Variants in PPP1R9A observed in about 807,000 individuals in gnomAD.
PPP1R9A encodes neurabin-1.
PPP1R9A carries 59 observed loss-of-function variants against 141.9 expected under a neutral mutation model. The observed-to-expected ratio is 0.42, with a 90% CI of 0.34 to 0.52. PPP1R9A has a LOEUF of 0.52. Ranked by LOEUF, PPP1R9A falls within the 20% of genes least tolerant of loss-of-function variation. The probability of loss-of-function intolerance (pLI) is 0.10; values close to 1 mark genes in which losing one functional copy is unlikely to be tolerated. For synonymous variants in PPP1R9A, 500 were observed against 569.7 expected, an observed-to-expected ratio of 0.88 and a Z score of 1.74; for missense variants, 1,444 against 1,611.9, an observed-to-expected ratio of 0.90 and a Z score of 1.78.
At chr7:95,252,884 C>T (rs909978205) in intron 12 of PPP1R9A, among the ~76,000 whole-genome samples, 4 of 152,190 alleles carry the variant, frequency 2.6e-5, no homozygotes, top group African/African-American at 7.2e-5. Flanking sequence ...TAGTTTTGTG[C>T]TTTTACCATG....
At chr7:95,159,827 G>C (rs535046734) in intron 4 of PPP1R9A, among the ~76,000 whole-genome samples, 2 of 151,510 alleles carry the variant, frequency 1.3e-5, no homozygotes, top group African/African-American at 4.9e-5. Context: ...TCAGGAGGCT[G>C]AGGCAGGAGA....
chr7:94,971,583 T>G (rs1798866253), intron 2 of PPP1R9A, among the ~76,000 whole-genome samples: 1 of 152,212 alleles, frequency 6.6e-6, no homozygotes, highest in African/African-American at 2.4e-5. Context: ...ATTCTTTTTG[T>G]TGCTAGCAGG....
At chr7:95,042,338 T>A (rs139704870) in intron 2 of PPP1R9A, among the ~76,000 whole-genome samples, 2 of 152,206 alleles carry the variant, frequency 1.3e-5, no homozygotes, top group Non-Finnish European at 2.9e-5. Context: ...TTCCTACTTA[T>A]GCTACTATTT....
At chr7:95,288,456 T>G in intron 18 of PPP1R9A, 80 bp from the exon 19 acceptor site, 1 of 1,528,522 alleles carries the variant, frequency 6.5e-7, no homozygotes, top group Non-Finnish European at 8.8e-7. Context: ...TCTCATAGGT[T>G]AAGAAATTCC....
At chr7:95,269,541 C>T in intron 14 of PPP1R9A, 34 bp downstream of exon 14, 2 of 1,501,082 alleles carry the variant, frequency 1.3e-6, no homozygotes, top group South Asian at 2.3e-5. Flanking sequence ...CTTCATAACA[C>T]CTCAGCTTGT....
At chr7:95,103,051 C>T (rs1277165520) in intron 2 of PPP1R9A, among the ~76,000 whole-genome samples, 3 of 152,266 alleles carry the variant, frequency 2.0e-5, no homozygotes, top group Middle Eastern at 3.4e-3. Context: ...TGACTTCCAT[C>T]AGAGAAGAGG....
chr7:95,051,478 A>G (rs1330561012), intron 2 of PPP1R9A, among the ~76,000 whole-genome samples: 1 of 152,172 alleles, frequency 6.6e-6, no homozygotes, highest in Non-Finnish European at 1.5e-5. Flanking sequence ...TTGTTTCTCC[A>G]TATAAACTTT....
At chr7:95,222,783 C>CAATTAAAATTAGATTTAATTAAT in intron 7 of PPP1R9A, among the ~76,000 whole-genome samples, 1 of 151,932 alleles carries the variant, frequency 6.6e-6, no homozygotes, top group Admixed American at 6.6e-5. Flanking sequence ...TGTTCATCTT[C>CAATTAAAATTAGATTTAATTAAT]CTTTGTAAAT....
intron 4 of PPP1R9A, among the ~76,000 whole-genome samples, chr7:95,151,715 G>A (rs1359822519): frequency 5.3e-5 from 8 of 151,356 alleles, no homozygotes; most frequent in Admixed American, 5.3e-4. Context: ...GTTGATGGGG[G>A]GAGACTGTGC....
Position 94,911,154 on chromosome 7 carries a change from T to A in PPP1R9A, c.1041T>A (p.Ala347=), listed in dbSNP as rs182967512. 1 of 1,614,160 alleles carries A rather than the reference T, an allele frequency of 6.2e-7. No homozygotes were observed. The highest frequency in any genetic ancestry group is 2.2e-5 in the East Asian group (1 of 44,876). Residue 347 remains alanine (A), a synonymous_variant, in exon 2 of 20, where the codon GCT becomes GCA. Transcript: ENST00000433360. The stretch of plus-strand genomic sequence containing the variant: ...CACAAAGCCAACTGTTAGAAGATGC[T>A]GAAGCTAATTTGGTTGGAAGGGAGG... ...PSPQSQLLED[A]EANLVGREAA...
intron 2 of PPP1R9A, among the ~76,000 whole-genome samples, chr7:95,009,223 C>T (rs545453932): frequency 6.6e-5 from 10 of 152,246 alleles, no homozygotes; most frequent in Middle Eastern, 3.4e-3. Flanking sequence ...ATGGGTGCAG[C>T]ACACCATCAT....
chr7:95,008,621 C>A (rs1397135538), intron 2 of PPP1R9A, among the ~76,000 whole-genome samples: 1 of 152,180 alleles, frequency 6.6e-6, no homozygotes, highest in Non-Finnish European at 1.5e-5. Flanking sequence ...GTAAGCTTCA[C>A]TGTTGTCCTC....
Position 95,167,312 on chromosome 7 carries a change from G to A in PPP1R9A, c.1754+5341G>A, listed in dbSNP as rs191038107. On this transcript the variant is annotated intron_variant, in intron 5 of 19. Coordinates refer to ENST00000433360, the MANE Select transcript of PPP1R9A (RefSeq NM_001166160.2). Reference sequence around the variant, plus strand: ...CCATAATTCAATCACTTCCCACCAGGTTCCTCCCATGACATGTGGGAATTG... The same window carrying A: ...CCATAATTCAATCACTTCCCACCAGATTCCTCCCATGACATGTGGGAATTG... Among the ~76,000 whole-genome samples, 4 of 152,222 alleles carry A rather than the reference G, an allele frequency of 2.6e-5. No homozygotes were observed. In the East Asian group the frequency reaches 7.7e-4, roughly 29 times the overall value.
intron 6 of PPP1R9A, 64 bp from the exon 7 acceptor site, chr7:95,203,601 T>C: frequency 8.0e-7 from 1 of 1,250,470 alleles, no homozygotes; most frequent in East Asian, 2.5e-5. Context: ...TTTCAATCCT[T>C]TATCAGGCTG....
chr7:95,217,714 T>C (rs1793696454), intron 7 of PPP1R9A, among the ~76,000 whole-genome samples: 4 of 152,126 alleles, frequency 2.6e-5, no homozygotes, highest in Admixed American at 2.6e-4. Context: ...TGTATGTGTC[T>C]GGGAATTTAT....
chr7:95,059,262 A>G (rs1024271267), intron 2 of PPP1R9A, among the ~76,000 whole-genome samples: 7 of 152,168 alleles, frequency 4.6e-5, no homozygotes, highest in African/African-American at 1.4e-4. Context: ...GCTAAGATTT[A>G]TTTTACCAGT....
At chr7:95,189,282 C>T (rs1835113672) in intron 5 of PPP1R9A, among the ~76,000 whole-genome samples, 1 of 152,000 alleles carries the variant, frequency 6.6e-6, no homozygotes, top group Admixed American at 6.6e-5. Context: ...GGGTGATGAT[C>T]TTTTTGCTGG....
intron 4 of PPP1R9A, among the ~76,000 whole-genome samples, chr7:95,135,060 T>A (rs909745134): frequency 6.6e-6 from 1 of 152,190 alleles, no homozygotes; most frequent in African/African-American, 2.4e-5. Flanking sequence ...CAGCAGCCCC[T>A]CCTCTTAACA....
chr7:94,949,025 C>T (rs1378434208), intron 2 of PPP1R9A, among the ~76,000 whole-genome samples: 1 of 152,136 alleles, frequency 6.6e-6, no homozygotes, highest in Admixed American at 6.6e-5. Context: ...TTAAGCACAC[C>T]TGGGATAAGC....
Sources: gnomAD v4.1 joint callset for allele counts (sites outside exome capture counted in the v4.1 genomes callset) on GRCh38, gnomAD v4.1.1 for gene constraint, MANE v1.5 for transcripts, NCBI Gene and HGNC (gene_info 2026-07-23, HGNC 2026-07-21) for gene names.